The following FREM1 variants were observed in gnomAD, a reference collection of about 807,000 sequenced individuals.
FREM1 encodes FRAS1-related extracellular matrix protein 1.
Under a neutral mutation model 210.1 loss-of-function variants are expected in FREM1, and 220 were observed. The observed-to-expected ratio is 1.05, with a 90% CI of 0.94 to 1.17. FREM1 has a LOEUF of 1.17. Among genes scored for constraint, FREM1 ranks in the 50% most tolerant of loss-of-function variants. FREM1 has a pLI of 0.00. For synonymous variants in FREM1, 1,189 were observed against 980.2 expected, an observed-to-expected ratio of 1.21 and a Z score of -3.98; for missense variants, 3,454 against 2,675.5, an observed-to-expected ratio of 1.29 and a Z score of -6.42.
intron 1 of FREM1, among the ~76,000 whole-genome samples, chr9:14,898,459 C>T (rs1838156789): frequency 1.3e-5 from 2 of 152,234 alleles, no homozygotes; most frequent in Middle Eastern, 3.4e-3. Flanking sequence ...CCATAGAATG[C>T]AGCCGGGTGT....
intron 5 of FREM1, among the ~76,000 whole-genome samples, chr9:14,852,050 G>A (rs893545977): frequency 1.3e-5 from 2 of 152,144 alleles, no homozygotes; most frequent in African/African-American, 4.8e-5. Context: ...GAGGACAAAT[G>A]AAATAGCCAA....
intron 2 of FREM1, among the ~76,000 whole-genome samples, chr9:14,867,119 C>A (rs760483779): frequency 6.6e-6 from 1 of 152,154 alleles, no homozygotes; most frequent in South Asian, 2.1e-4. Flanking sequence ...CTCAGCCACC[C>A]AAAGTACTGG....
intron 16 of FREM1, among the ~76,000 whole-genome samples, chr9:14,809,620 C>A (rs1462388515): frequency 6.6e-6 from 1 of 152,142 alleles, no homozygotes; most frequent in Non-Finnish European, 1.5e-5. Context: ...AAATAAGAGA[C>A]CTCTCACCTA....
Position 14,796,617 on chromosome 9 carries a change from T to G in FREM1, c.3839+881A>C, listed in dbSNP as rs75411620. 3.5e-3 allele frequency among the ~76,000 whole-genome samples: 533 copies of G among 152,306 alleles called. 2 individuals carry two copies. The highest frequency in any genetic ancestry group is 0.012 in the African/African-American group (508 of 41,574). ...TGTGGGAGGGACCAGGTAGAGATAATTGAATCGTGGGGCAGTTTCCCCCAT... is the reference window on the plus strand; with the variant it reads ...TGTGGGAGGGACCAGGTAGAGATAAGTGAATCGTGGGGCAGTTTCCCCCAT... On this transcript the variant is annotated intron_variant, in intron 21 of 36. Transcript: ENST00000380880.
chr9:14,900,523 C>G (rs1654020524), intron 1 of FREM1, among the ~76,000 whole-genome samples: 1 of 152,058 alleles, frequency 6.6e-6, no homozygotes, highest in South Asian at 2.1e-4. Flanking sequence ...ATGCCGCCTC[C>G]AAGAACAGCA....
chr9:14,862,174 C>A (rs1181908860), intron 3 of FREM1, among the ~76,000 whole-genome samples: 1 of 152,188 alleles, frequency 6.6e-6, no homozygotes, highest in African/African-American at 2.4e-5. Context: ...ATTACCTGCT[C>A]ATCTTTTGCC....
chr9:14,788,453 T>C (rs913906138), intron 23 of FREM1, among the ~76,000 whole-genome samples: 1 of 152,240 alleles, frequency 6.6e-6, no homozygotes. Context: ...CTTCCAGCCT[T>C]TCTAATGACA....
chr9:14,840,130 G>C (rs10810268), intron 10 of FREM1, among the ~76,000 whole-genome samples: 44,726 of 152,078 alleles, frequency 0.29, 7,929 homozygotes, highest in Non-Finnish European at 0.41. Flanking sequence ...GCACACAGAT[G>C]AATAGCTCAA....
rs1260712834 is a variant in FREM1, at chr9:14,769,845, T to A, written c.5083A>T (p.Ser1695Cys). The change falls in exon 27 of 37, where the codon AGC (serine) becomes TGC (cysteine). Residue 1695 changes from serine to cysteine, a missense_variant. Physicochemically the swap from Ser to Cys is moderately radical, Grantham distance 112. Transcript: ENST00000380880. ...TTGEFIHEKF[S>C]QKDLNSKTIL... is the part of the protein sequence containing the mutation. ...GTCTTACTGTTTAAGTCCTTTTGGC[T>A]AAATTTCTCATGGATAAATTCACCT... The A allele has an allele frequency of 6.4e-7, 1 of 1,554,866 alleles. No individual in the cohort carries two copies. Among genetic ancestry groups the A allele is most frequent in the Non-Finnish European group, 8.7e-7 (1 of 1,145,246 alleles).
chr9:14,744,381 G>T (rs1321146872), intron 35 of FREM1, among the ~76,000 whole-genome samples: 1 of 151,932 alleles, frequency 6.6e-6, no homozygotes, highest in East Asian at 1.9e-4. Context: ...ACTTTAGAAC[G>T]TTACCTCGTG....
intron 7 of FREM1, among the ~76,000 whole-genome samples, chr9:14,846,999 G>A (rs1272566938): frequency 6.6e-6 from 1 of 152,194 alleles, no homozygotes; most frequent in Non-Finnish European, 1.5e-5. Context: ...ATCAGGCCCT[G>A]CACCAGGGGA....
At chr9:14,797,274 T>C (rs1485173868) in intron 21 of FREM1, among the ~76,000 whole-genome samples, 2 of 152,222 alleles carry the variant, frequency 1.3e-5, no homozygotes, top group African/African-American at 4.8e-5. Context: ...CTAATTAGTA[T>C]GTTTAGAAGA....
Position 14,859,358 on chromosome 9 carries a change from T to G in FREM1, c.456A>C (p.Gln152His). Residue 152 changes from glutamine to histidine, a missense_variant, in exon 4 of 37, where the codon CAA (glutamine) becomes CAC (histidine). Physicochemically the swap from Gln to His is conservative, Grantham distance 24. Coordinates refer to ENST00000380880, the MANE Select transcript of FREM1 (RefSeq NM_001379081.2). Reference protein sequence around the residue: ...LEVPEFNGLSQAIDKNLLRFD... With the variant: ...LEVPEFNGLSHAIDKNLLRFD... ...ATCTGAGCAGATTTTTATCAATCGC[T>G]TGGGACAAGCCATTGAATTCAGGCA... 2 of 1,613,728 alleles carry G rather than the reference T, an allele frequency of 1.2e-6. No homozygotes were observed. Among genetic ancestry groups the G allele is most frequent in the Non-Finnish European group, 1.7e-6 (2 of 1,179,842 alleles).
chr9:14,790,032 T>C (rs1851036835), intron 22 of FREM1, among the ~76,000 whole-genome samples: 1 of 152,196 alleles, frequency 6.6e-6, no homozygotes, highest in Non-Finnish European at 1.5e-5. Context: ...TTTAAGAGTC[T>C]AAAACAGAAA....
At chr9:14,751,914 G>T (rs975759143) in intron 29 of FREM1, 2 of 151,318 alleles carry the variant, frequency 1.3e-5, no homozygotes, top group African/African-American at 4.9e-5. Flanking sequence ...TCAAAAACAG[G>T]CTGACAGCTA....
Position 14,819,358 on chromosome 9 carries a change from T to C in FREM1, c.2422A>G (p.Lys808Glu), listed in dbSNP as rs2130711790. The change falls in exon 14 of 37, where the codon AAG (lysine) becomes GAG (glutamate). Residue 808 changes from lysine (K) to glutamate (E), a missense_variant. By Grantham distance (56) the Lys-to-Glu change is moderately conservative (BLOSUM62 1). Transcript: ENST00000380880. Reference sequence around the variant, plus strand: ...AGGGAGAGGTCAATATTGTCCAGCTTGGTATCTGCATCAGAAATTAGAATG... The same window carrying C: ...AGGGAGAGGTCAATATTGTCCAGCTCGGTATCTGCATCAGAAATTAGAATG... ...EHILISDADT[K>E]LDNIDLSLRE... 2 of 1,613,634 alleles carry C rather than the reference T, an allele frequency of 1.2e-6. No homozygotes were observed. Among genetic ancestry groups the C allele is most frequent in the East Asian group, 2.2e-5 (1 of 44,874 alleles).
chr9:14,822,967 A>G (rs981865521), intron 13 of FREM1, among the ~76,000 whole-genome samples, 193 bp downstream of exon 13: 1 of 152,202 alleles, frequency 6.6e-6, no homozygotes, highest in African/African-American at 2.4e-5. Context: ...CACCTTTTAC[A>G]TAGAAAGTCC....
intron 13 of FREM1, among the ~76,000 whole-genome samples, chr9:14,821,767 G>A (rs7040282): frequency 0.21 from 31,571 of 152,134 alleles, 3,595 homozygotes; most frequent in Middle Eastern, 0.29. Context: ...TGGAGAGCAC[G>A]CCCTATGCAA....
chr9:14,801,706 G>A lies in FREM1; in HGVS notation c.3640C>T (p.Pro1214Ser), dbSNP rs749706032. The change falls in exon 20 of 37, where the codon CCT becomes TCT. Residue 1214 changes from proline to serine, a missense_variant. Pro to Ser is a moderately conservative substitution (Grantham distance 74). Transcript: ENST00000380880. The stretch of plus-strand genomic sequence containing the variant: ...TGAACAGGTGCATGTTTCTGGTGAG[G>A]GTTGGCTGGCTGCTTATTCTCAGAG... ...DFSENKQPAN[P>S]HQKHAPVHSF... 1 of 1,613,952 alleles carries A rather than the reference G, an allele frequency of 6.2e-7. No homozygotes were observed. The highest frequency in any genetic ancestry group is 1.1e-5 in the South Asian group (1 of 91,082).
Sources: allele counts gnomAD v4.1 joint callset (sites outside exome capture counted in the v4.1 genomes callset), GRCh38; gene constraint gnomAD v4.1.1; transcripts MANE v1.5; gene names NCBI Gene and HGNC (gene_info 2026-07-23, HGNC 2026-07-21).